The following PKP4 variants were observed in gnomAD, a reference collection of about 807,000 sequenced individuals.
PKP4 encodes plakophilin-4.
Under a neutral mutation model 145.1 loss-of-function variants are expected in PKP4, and 90 were observed. The observed-to-expected ratio is 0.62, with a 90% CI of 0.52 to 0.74. The LOEUF (loss-of-function observed/expected upper bound fraction) is 0.74. Ranked by LOEUF, PKP4 falls within the 30% of genes least tolerant of loss-of-function variation. PKP4 has a pLI of 0.00. For synonymous variants in PKP4, 563 were observed against 577.2 expected, an observed-to-expected ratio of 0.98 and a Z score of 0.35; for missense variants, 1,340 against 1,482.7, an observed-to-expected ratio of 0.90 and a Z score of 1.58.
In PKP4 at chr2:158,678,665, A is replaced by C. The variant is rs749838721; in HGVS notation, c.3330+11A>C. The C allele has an allele frequency of 6.6e-7, 1 of 1,514,100 alleles. No individual in the cohort carries two copies. Among genetic ancestry groups the C allele is most frequent in the Non-Finnish European group, 9.2e-7 (1 of 1,089,376 alleles). 93.8% of individuals were successfully genotyped at this position (1,514,100 alleles called of 1,614,324 possible). A position where few individuals can be genotyped will look rare whatever the true frequency, so the allele number is the denominator to read the frequency against. ...AATAGACGGCTACAGGTGAATTTGC[A>C]ATATCATTTTTACAGAAGGCTGATT... On this transcript the variant is annotated intron_variant, in intron 21 of 21. Transcript: ENST00000389759.
chr2:158,514,662 CG>C (rs983331414), intron 1 of PKP4, among the ~76,000 whole-genome samples: 36 of 152,228 alleles, frequency 2.4e-4, no homozygotes, highest in African/African-American at 7.2e-4. Context: ...CAAATTAGCC[CG>C]GGTGTGGTGG....
intron 16 of PKP4, 164 bp from the exon 17 acceptor site, chr2:158,669,556 G>A (rs1410907374): frequency 2.3e-6 from 1 of 440,046 alleles, no homozygotes; most frequent in African/African-American, 2.0e-5. Flanking sequence ...CCCTTATAAT[G>A]ACATTTGTCC....
At chr2:158,649,274 G>C (rs1006361533) in intron 11 of PKP4, among the ~76,000 whole-genome samples, 1 of 152,066 alleles carries the variant, frequency 6.6e-6, no homozygotes, top group Non-Finnish European at 1.5e-5. Flanking sequence ...TGATGTCCAG[G>C]CTGGAGGTGT....
chr2:158,661,459 C>A lies in PKP4; in HGVS notation c.2211+9C>A, dbSNP rs377008963. On this transcript the variant is annotated intron_variant, in intron 13 of 21. Coordinates refer to ENST00000389759, the MANE Select transcript of PKP4 (RefSeq NM_003628.6). Reference sequence around the variant, plus strand: ...CCGATTACGACAGCAAGGTCAGTGCCGGCCTGGTTGCAGGAGGGCGTGGTG... The same window carrying A: ...CCGATTACGACAGCAAGGTCAGTGCAGGCCTGGTTGCAGGAGGGCGTGGTG... 4 of 1,575,762 alleles carry A rather than the reference C, an allele frequency of 2.5e-6. No individual in the cohort carries two copies. The South Asian group carries it at 3.3e-5, about 13-fold the overall frequency.
At chr2:158,580,752 T>C (rs2048264141) in intron 3 of PKP4, among the ~76,000 whole-genome samples, 1 of 152,226 alleles carries the variant, frequency 6.6e-6, no homozygotes, top group African/African-American at 2.4e-5. Flanking sequence ...GGAATGGTAA[T>C]TGATCTACTT....
At chr2:158,580,553 A>T (rs980403239) in intron 3 of PKP4, among the ~76,000 whole-genome samples, 3 of 152,184 alleles carry the variant, frequency 2.0e-5, no homozygotes, top group Non-Finnish European at 2.9e-5. Context: ...ACTTTATTAG[A>T]TCTTTAAAGG....
intron 9 of PKP4, among the ~76,000 whole-genome samples, chr2:158,636,367 T>G (rs2053810210): frequency 6.6e-6 from 1 of 152,168 alleles, no homozygotes; most frequent in African/African-American, 2.4e-5. Context: ...TCTTCAGATC[T>G]CCGTTGTTTC....
At chr2:158,674,102 C>A in intron 19 of PKP4, 102 bp downstream of exon 19, 1 of 773,910 alleles carries the variant, frequency 1.3e-6, no homozygotes, top group Non-Finnish European at 2.4e-6. Context: ...CCTGTCATCT[C>A]CAACACTACC....
chr2:158,549,095 C>T lies in PKP4; in HGVS notation c.132+15779C>T, dbSNP rs144319691. The T allele has an allele frequency of 1.1e-3, 215 of 196,516 alleles. 1 individual carries two copies. The highest frequency in any genetic ancestry group is 4.5e-3 in the African/African-American group (196 of 43,118). 12.2% of individuals were successfully genotyped at this position (196,516 alleles called of 1,614,324 possible). On this transcript the variant is annotated intron_variant, in intron 2 of 21. Coordinates refer to ENST00000389759, the MANE Select transcript of PKP4 (RefSeq NM_003628.6). ...GTTAGCTGGTGGAAACTATCAGGAC[C>T]AATTACAATGATAGATATGATGAGA...
chr2:158,559,233 G>A (rs1215415864), intron 2 of PKP4, among the ~76,000 whole-genome samples: 2 of 151,970 alleles, frequency 1.3e-5, no homozygotes, highest in Non-Finnish European at 1.5e-5. Context: ...AGTCCCAAGA[G>A]AATTGGGATC....
chr2:158,464,807 G>T, intron 1 of PKP4, among the ~76,000 whole-genome samples: 1 of 152,186 alleles, frequency 6.6e-6, no homozygotes, highest in Non-Finnish European at 1.5e-5. Flanking sequence ...ATGAATTAAA[G>T]GTAACTTTAT....
chr2:158,631,824 T>A lies in PKP4; in HGVS notation c.1225T>A (p.Leu409Met). 1 of 1,614,136 alleles carries A rather than the reference T, an allele frequency of 6.2e-7. No individual in the cohort carries two copies. The highest frequency in any genetic ancestry group is 8.5e-7 in the Non-Finnish European group (1 of 1,179,986). The change falls in exon 8 of 22, where the codon TTG (leucine) becomes ATG (methionine). Residue 409 changes from leucine to methionine, a missense_variant. Transcript: ENST00000389759. The part of the protein sequence containing the change: ...QDLRSAVSPD[L>M]HITPIYEGRT... ...CCTTCGTTCTGCCGTGTCTCCCGAC[T>A]TGCACATTACTCCTATATATGAGGG... is the stretch of plus-strand genomic sequence containing the variant.
chr2:158,587,341 C>T (rs892927906), intron 3 of PKP4, among the ~76,000 whole-genome samples: 9 of 151,972 alleles, frequency 5.9e-5, no homozygotes, highest in Non-Finnish European at 1.0e-4. Context: ...TGTAATTTTT[C>T]ATAGTTTGCT....
intron 3 of PKP4, chr2:158,578,204 G>T: frequency 4.0e-6 from 1 of 250,484 alleles, no homozygotes; most frequent in Non-Finnish European, 8.7e-6. Context: ...AAACTTCTTA[G>T]TGAATAGAAT....
chr2:158,477,858 CAAAA>C (rs199815874), intron 1 of PKP4, among the ~76,000 whole-genome samples: 5 of 151,818 alleles, frequency 3.3e-5, no homozygotes, highest in Non-Finnish European at 7.4e-5. Flanking sequence ...ACTCATCTCT[CAAAA>C]AAAACCAAAA....
At chr2:158,615,099 T>A (rs1034242542) in intron 4 of PKP4, among the ~76,000 whole-genome samples, 4 of 152,084 alleles carry the variant, frequency 2.6e-5, no homozygotes, top group Non-Finnish European at 5.9e-5. Flanking sequence ...TATCATCCTT[T>A]ATAGGTTTGT....
At chr2:158,565,569 T>C (rs2046905837) in intron 2 of PKP4, among the ~76,000 whole-genome samples, 1 of 151,964 alleles carries the variant, frequency 6.6e-6, no homozygotes, top group Admixed American at 6.6e-5. Context: ...AAAATTGCTT[T>C]TATATATAGG....
chr2:158,663,441 G>C lies in PKP4; in HGVS notation c.2573G>C (p.Trp858Ser), dbSNP rs768440043. ...CTCCAGAACCTCTCTGCTGGCAACT[G>C]GAAGGTAGGATGACTTCCACTTATC... ...GSLQNLSAGN[W>S]KFAAYIRAAV... Residue 858 changes from tryptophan (W) to serine (S), a missense_variant, in exon 15 of 22, where the codon TGG becomes TCG. Transcript: ENST00000389759. 3.7e-6 allele frequency: 6 copies of C among 1,608,938 alleles called. No homozygotes were observed. In the African/African-American group the frequency reaches 4.0e-5, roughly 11 times the overall value.
chr2:158,654,710 G>T (rs897366417), intron 11 of PKP4, among the ~76,000 whole-genome samples: 1 of 152,064 alleles, frequency 6.6e-6, no homozygotes, highest in Non-Finnish European at 1.5e-5. Context: ...TCCCCCAGTT[G>T]CAAACTTAAA....
Sources: allele counts gnomAD v4.1 joint callset (sites outside exome capture counted in the v4.1 genomes callset), GRCh38; gene constraint gnomAD v4.1.1; transcripts MANE v1.5; gene names NCBI Gene and HGNC (gene_info 2026-07-23, HGNC 2026-07-21).